The following FMN2 variants were observed in gnomAD, a reference collection of about 807,000 sequenced individuals.
FMN2 encodes formin 2.
Under a neutral mutation model 142.3 loss-of-function variants are expected in FMN2, and 51 were observed. The ratio of observed to expected loss-of-function variants is 0.36; its 90% confidence interval spans 0.29 to 0.45. FMN2 has a LOEUF of 0.45. Among genes scored for constraint, FMN2 ranks in the 20% least tolerant of loss-of-function variants. The pLI, the probability that FMN2 is intolerant of heterozygous loss-of-function variation, is 1.00. For missense variants in FMN2, 1,936 were observed against 2,122.8 expected, an observed-to-expected ratio of 0.91 and a Z score of 1.73; for synonymous variants, 882 against 869.8, an observed-to-expected ratio of 1.01 and a Z score of -0.25.
At chr1:240,200,824 A>G (rs1666095172) in intron 4 of FMN2, among the ~76,000 whole-genome samples, 2 of 152,120 alleles carry the variant, frequency 1.3e-5, no homozygotes, top group Admixed American at 6.5e-5. Context: ...TTCTATCAAA[A>G]TGATCTGTAC....
intron 3 of FMN2, chr1:240,179,391 G>A (rs1276582881): frequency 3.9e-5 from 6 of 152,084 alleles, no homozygotes; most frequent in African/African-American, 1.4e-4. Flanking sequence ...TGAAATGAGG[G>A]CCCACACTTG....
At chr1:240,206,312 C>A (rs1257500622) in intron 4 of FMN2, among the ~76,000 whole-genome samples, 1 of 152,084 alleles carries the variant, frequency 6.6e-6, no homozygotes, top group Admixed American at 6.5e-5. Flanking sequence ...ATGGCACATG[C>A]TCATAATGCA....
chr1:240,395,727 G>A (rs1161098939), intron 15 of FMN2, among the ~76,000 whole-genome samples: 1 of 152,188 alleles, frequency 6.6e-6, no homozygotes, highest in Non-Finnish European at 1.5e-5. Context: ...GAACAGATGA[G>A]GAGTTGCTTC....
chr1:240,325,987 A>G (rs931521383), intron 8 of FMN2, among the ~76,000 whole-genome samples: 1 of 152,046 alleles, frequency 6.6e-6, no homozygotes, highest in Non-Finnish European at 1.5e-5. Flanking sequence ...TGGTGAGTCA[A>G]TGAAAATGTT....
At chr1:240,332,154 C>T (rs539252507) in intron 11 of FMN2, among the ~76,000 whole-genome samples, 1 of 152,058 alleles carries the variant, frequency 6.6e-6, no homozygotes, top group Non-Finnish European at 1.5e-5. Context: ...TTCCTTGGTA[C>T]ACCAGCAGCA....
rs1666550346 is a variant in FMN2, at chr1:240,208,652, A to G, written c.3840A>G (p.Lys1280=). 3 of 1,613,792 alleles carry G rather than the reference A, an allele frequency of 1.9e-6. No individual in the cohort carries two copies. The highest frequency in any genetic ancestry group is 2.5e-6 in the Non-Finnish European group (3 of 1,180,034). ...TTGGATTAGGGATGAATCAGGACAAAGGGAGTAGGAAGCAGCCCATAGAGC... is the reference window on the plus strand; with the variant it reads ...TTGGATTAGGGATGAATCAGGACAAGGGGAGTAGGAAGCAGCCCATAGAGC... The part of the protein sequence containing the change: ...GLFGLGMNQD[K]GSRKQPIEPC... Residue 1280 remains lysine, a synonymous_variant, in exon 5 of 18, where the codon AAA becomes AAG. Coordinates refer to ENST00000319653, the MANE Select transcript of FMN2 (RefSeq NM_020066.5).
chr1:240,455,807 C>T (rs981960573), intron 16 of FMN2, among the ~76,000 whole-genome samples: 1 of 151,942 alleles, frequency 6.6e-6, no homozygotes, highest in Non-Finnish European at 1.5e-5. Context: ...GAAACCCCAT[C>T]TCTATAAAAA....
At chr1:240,114,424 G>A (rs1172519555) in intron 1 of FMN2, among the ~76,000 whole-genome samples, 2 of 152,198 alleles carry the variant, frequency 1.3e-5, no homozygotes, top group Admixed American at 6.5e-5. Context: ...CTCGATGGGG[G>A]ATGCTGTGTA....
At chr1:240,143,262 C>T in intron 2 of FMN2, 1 of 1,568,540 alleles carries the variant, frequency 6.4e-7, no homozygotes, top group Admixed American at 1.7e-5. Flanking sequence ...AGATAATTTG[C>T]TTAGGGTATC....
intron 15 of FMN2, among the ~76,000 whole-genome samples, chr1:240,437,752 T>C (rs1055943488): frequency 1.3e-5 from 2 of 152,180 alleles, no homozygotes; most frequent in Non-Finnish European, 2.9e-5. Context: ...GCCCGCCACT[T>C]TCAATATGTC....
At chr1:240,328,418 A>G (rs532543801) in intron 8 of FMN2, among the ~76,000 whole-genome samples, 2 of 151,986 alleles carry the variant, frequency 1.3e-5, no homozygotes, top group South Asian at 4.1e-4. Context: ...AAAGTATTAT[A>G]GACAGGCAAA....
chr1:240,167,515 C>CTTTTACATTTGTCA, intron 2 of FMN2, among the ~76,000 whole-genome samples: 1 of 152,222 alleles, frequency 6.6e-6, no homozygotes, highest in Non-Finnish European at 1.5e-5. Context: ...TCTTATTATT[C>CTTTTACATTTGTCA]TTTTACATTT....
chr1:240,295,637 T>G (rs777204191), intron 8 of FMN2, among the ~76,000 whole-genome samples: 1 of 152,230 alleles, frequency 6.6e-6, no homozygotes, highest in Non-Finnish European at 1.5e-5. Context: ...ATGGTGTATA[T>G]GTACCACATT....
chr1:240,429,165 A>G (rs1470889734), intron 15 of FMN2, among the ~76,000 whole-genome samples: 1 of 152,080 alleles, frequency 6.6e-6, no homozygotes, highest in East Asian at 1.9e-4. Context: ...TGAGTTTTTA[A>G]AATTTTGAGT....
intron 7 of FMN2, among the ~76,000 whole-genome samples, chr1:240,282,059 C>T (rs1052783874): frequency 6.6e-6 from 1 of 152,112 alleles, no homozygotes; most frequent in Admixed American, 6.6e-5. Context: ...TAGACATTGA[C>T]CGAAAACTGA....
chr1:240,267,456 G>A (rs1041813562), intron 7 of FMN2, among the ~76,000 whole-genome samples: 4 of 151,916 alleles, frequency 2.6e-5, no homozygotes, highest in African/African-American at 9.7e-5. Flanking sequence ...GACACATAGA[G>A]GAGAACAAAA....
intron 2 of FMN2, among the ~76,000 whole-genome samples, chr1:240,149,097 T>C (rs1368023283): frequency 1.3e-5 from 2 of 152,222 alleles, no homozygotes; most frequent in Non-Finnish European, 2.9e-5. Flanking sequence ...TGTTTTGAAA[T>C]GTGCTTTTGA....
intron 2 of FMN2, among the ~76,000 whole-genome samples, chr1:240,131,238 T>C (rs1662722163): frequency 1.3e-5 from 2 of 152,202 alleles, no homozygotes; most frequent in African/African-American, 4.8e-5. Flanking sequence ...AAGTGTTCAA[T>C]GCCCTTTGCC....
At chr1:240,136,626 A>T (rs1391771027) in intron 2 of FMN2, among the ~76,000 whole-genome samples, 1 of 152,098 alleles carries the variant, frequency 6.6e-6, no homozygotes, top group African/African-American at 2.4e-5. Context: ...ATGGACTTTT[A>T]TTAAAAGGGG....
Sources: gnomAD v4.1 joint callset for allele counts (sites outside exome capture counted in the v4.1 genomes callset) on GRCh38, gnomAD v4.1.1 for gene constraint, MANE v1.5 for transcripts, NCBI Gene and HGNC (gene_info 2026-07-23, HGNC 2026-07-21) for gene names.